LAPTM4B: variants seen among roughly 807,000 people sequenced by gnomAD.
The protein encoded by LAPTM4B is lysosomal-associated transmembrane protein 4B.
Under a neutral mutation model 28.5 loss-of-function variants are expected in LAPTM4B, and 26 were observed. That is an observed-to-expected ratio of 0.91 (90% CI 0.67 to 1.27). The LOEUF (loss-of-function observed/expected upper bound fraction) is 1.27, where lower values mean the gene tolerates loss of function less well. Among genes scored for constraint, LAPTM4B ranks in the 50% most tolerant of loss-of-function variants. The pLI is 0.00. For missense variants in LAPTM4B, 288 were observed against 285.8 expected (o/e 1.01, Z -0.06); for synonymous variants, 109 against 106.4 (o/e 1.02, Z -0.15).
chr8:97,819,016 G>C, intron 4 of LAPTM4B, 124 bp from the exon 5 acceptor site: 1 of 654,814 alleles, frequency 1.5e-6, no homozygotes, highest in Non-Finnish European at 2.7e-6. Context: ...TTTTGTATTG[G>C]TTCTAAATAA....
At chr8:97,801,843 C>CAAAAAA (rs34138394) in intron 1 of LAPTM4B, among the ~76,000 whole-genome samples, 1 of 131,364 alleles carries the variant, frequency 7.6e-6, no homozygotes, top group Non-Finnish European at 1.6e-5. Flanking sequence ...AACTCCATCT[C>CAAAAAA]AAAAAAAAAA....
At chr8:97,811,712 G>T (rs1178110797) in intron 2 of LAPTM4B, among the ~76,000 whole-genome samples, 2 of 152,164 alleles carry the variant, frequency 1.3e-5, no homozygotes, top group East Asian at 3.8e-4. Context: ...TTGCCGGCTT[G>T]TGCATAAAGA....
At chr8:97,845,957 A>T (rs1331876457) in intron 6 of LAPTM4B, among the ~76,000 whole-genome samples, 10 of 129,262 alleles carry the variant, frequency 7.7e-5, no homozygotes, top group Non-Finnish European at 1.6e-5. Flanking sequence ...CAGTGGTACG[A>T]TCGTGTTTCA....
chr8:97,793,308 T>C (rs1273174634), intron 1 of LAPTM4B, among the ~76,000 whole-genome samples: 2 of 152,204 alleles, frequency 1.3e-5, no homozygotes, highest in Non-Finnish European at 2.9e-5. Context: ...ACTGGACTAA[T>C]GTTGGGCACA....
At chr8:97,825,477 A>G (rs975788690) in intron 6 of LAPTM4B, among the ~76,000 whole-genome samples, 16 of 152,246 alleles carry the variant, frequency 1.1e-4, no homozygotes, top group African/African-American at 3.1e-4. Flanking sequence ...ATAATTCTAG[A>G]TATCGCTTCT....
intron 1 of LAPTM4B, among the ~76,000 whole-genome samples, chr8:97,782,465 G>GC (rs1192387400): frequency 6.6e-6 from 1 of 151,122 alleles, no homozygotes; most frequent in East Asian, 2.0e-4. Flanking sequence ...TTGAGACAGA[G>GC]CCTCACTCTG....
chr8:97,830,141 A>T (rs1034225450), intron 6 of LAPTM4B, among the ~76,000 whole-genome samples: 10 of 152,080 alleles, frequency 6.6e-5, no homozygotes, highest in Admixed American at 4.6e-4. Flanking sequence ...GGAGGAAGAG[A>T]GGGAAATGCA....
At chr8:97,814,373 G>T (rs1816870246) in intron 2 of LAPTM4B, among the ~76,000 whole-genome samples, 1 of 151,974 alleles carries the variant, frequency 6.6e-6, no homozygotes, top group African/African-American at 2.4e-5. Flanking sequence ...TGGCATGGTG[G>T]AGCACACCTG....
intron 1 of LAPTM4B, among the ~76,000 whole-genome samples, chr8:97,799,529 C>T (rs1462259462): frequency 3.3e-5 from 5 of 152,150 alleles, no homozygotes; most frequent in East Asian, 3.9e-4. Context: ...AACCTGAGCA[C>T]GGTGACTGCA....
intron 4 of LAPTM4B, among the ~76,000 whole-genome samples, chr8:97,818,511 A>G (rs555930559): frequency 2.6e-4 from 40 of 152,310 alleles, no homozygotes; most frequent in African/African-American, 9.1e-4. Context: ...CCTCCTGAAA[A>G]GGTTCCCTTT....
At chr8:97,783,028 C>T (rs1935926203) in intron 1 of LAPTM4B, among the ~76,000 whole-genome samples, 1 of 148,992 alleles carries the variant, frequency 6.7e-6, no homozygotes, top group Non-Finnish European at 1.5e-5. Flanking sequence ...CCGCCTTGGC[C>T]TCCCAAAGTG....
chr8:97,816,279 AT>A, intron 4 of LAPTM4B, 99 bp downstream of exon 4: 2 of 1,187,778 alleles, frequency 1.7e-6, no homozygotes, highest in Non-Finnish European at 2.3e-6. Flanking sequence ...TAATTTCAGG[AT>A]TTTTAGCTTG....
chr8:97,785,906 T>C (rs543382752), intron 1 of LAPTM4B, among the ~76,000 whole-genome samples: 1 of 152,362 alleles, frequency 6.6e-6, no homozygotes, highest in South Asian at 2.1e-4. Flanking sequence ...ATAAAAGTTA[T>C]TTTCTCAGTA....
chr8:97,787,977 G>A (rs1816433580), intron 1 of LAPTM4B, among the ~76,000 whole-genome samples: 1 of 152,070 alleles, frequency 6.6e-6, no homozygotes, highest in South Asian at 2.1e-4. Flanking sequence ...GAGATTATAG[G>A]CACCTGCCAA....
chr8:97,812,937 T>A lies in LAPTM4B; in HGVS notation c.212-2391T>A, dbSNP rs531316449. ...AGAGCCACTCCCCTACTTACCTTGATGTTCCACCTAACCAAACTGTGTACA... is the reference window on the plus strand; with the variant it reads ...AGAGCCACTCCCCTACTTACCTTGAAGTTCCACCTAACCAAACTGTGTACA... On this transcript the variant is annotated intron_variant, in intron 2 of 6. Coordinates refer to ENST00000521545, the MANE Select transcript of LAPTM4B (RefSeq NM_018407.6). Among the ~76,000 whole-genome samples the A allele has an allele frequency of 4.6e-5, 7 of 152,362 alleles. No individual in the cohort carries two copies. In the South Asian group the frequency reaches 1.4e-3, roughly 32 times the overall value.
chr8:97,821,915 A>T (rs1383373625), intron 5 of LAPTM4B, among the ~76,000 whole-genome samples: 3 of 152,152 alleles, frequency 2.0e-5, no homozygotes, highest in Non-Finnish European at 2.9e-5. Flanking sequence ...CAACATAAAT[A>T]AAAAAATAAA....
At chr8:97,850,476 G>GTGTGTGTGTGTGTGTGTGTGTA (rs151009828) in intron 6 of LAPTM4B, among the ~76,000 whole-genome samples, 38,927 of 147,156 alleles carry the variant, frequency 0.26, 5,593 homozygotes, top group Non-Finnish European at 0.34. Flanking sequence ...GTGTGTGTGT[G>GTGTGTGTGTGTGTGTGTGTGTA]TGTGTGTGTG....
intron 1 of LAPTM4B, among the ~76,000 whole-genome samples, chr8:97,781,348 C>T (rs1563598923): frequency 7.9e-6 from 1 of 126,122 alleles, no homozygotes; most frequent in Non-Finnish European, 1.6e-5. Context: ...GGTGCAATCT[C>T]AGCTCACTGC....
rs10622932 is a variant in LAPTM4B at position 97,822,837 on chromosome 8, A to ATTT, written c.508-2215_508-2213dup. Among the ~76,000 whole-genome samples, 31 of 150,882 alleles carry ATTT rather than the reference A, an allele frequency of 2.1e-4. 1 individual carries two copies. Among genetic ancestry groups the ATTT allele is most frequent in the South Asian group, 1.5e-3 (7 of 4,778 alleles). On this transcript the variant is annotated intron_variant, in intron 5 of 6. Coordinates refer to ENST00000521545, the MANE Select transcript of LAPTM4B (RefSeq NM_018407.6). Reference sequence around the variant, plus strand: ...AGCATTTAGTCATACTCTTTTAGTTATTTTTTTTATTTATTTTTTTTGAGA... The same window carrying ATTT: ...AGCATTTAGTCATACTCTTTTAGTTATTTTTTTTTTTATTTATTTTTTTTGAGA...
Sources: gnomAD v4.1 joint callset for allele counts (sites outside exome capture counted in the v4.1 genomes callset) on GRCh38, gnomAD v4.1.1 for gene constraint, MANE v1.5 for transcripts, NCBI Gene and HGNC (gene_info 2026-07-23, HGNC 2026-07-21) for gene names.